ZNF804A: variants seen among roughly 807,000 people sequenced by gnomAD.
ZNF804A encodes the protein zinc finger protein 804A.
In ZNF804A, 2 loss-of-function variants were observed where a neutral mutation model predicts 16.5. That is an observed-to-expected ratio of 0.12 (90% CI 0.05 to 0.38). ZNF804A has a LOEUF of 0.38. ZNF804A is among the 10% of genes least tolerant of loss of function. The probability of loss-of-function intolerance (pLI) is 0.99; values close to 1 mark genes in which losing one functional copy is unlikely to be tolerated. For missense variants in ZNF804A, 1,473 were observed against 1,390.7 expected (o/e 1.06, Z -0.94); for synonymous variants, 534 against 489.6 (o/e 1.09, Z -1.20).
At chr2:184,772,932 C>T (rs7424782) in intron 1 of ZNF804A, among the ~76,000 whole-genome samples, 1 of 146,950 alleles carries the variant, frequency 6.8e-6, no homozygotes, top group Non-Finnish European at 1.5e-5. Flanking sequence ...ACCCCACACA[C>T]ATATATATAC....
chr2:184,782,464 A>G (rs1694384717), intron 1 of ZNF804A, among the ~76,000 whole-genome samples: 1 of 151,336 alleles, frequency 6.6e-6, no homozygotes, highest in African/African-American at 2.4e-5. Context: ...ACAACAACAA[A>G]AACATGAAAA....
intron 1 of ZNF804A, among the ~76,000 whole-genome samples, chr2:184,716,350 G>A (rs1693213120): frequency 6.6e-6 from 1 of 151,770 alleles, no homozygotes; most frequent in Non-Finnish European, 1.5e-5. Flanking sequence ...TTTGATATAA[G>A]TATTTTATAT....
chr2:184,762,503 T>G (rs547462462), intron 1 of ZNF804A, among the ~76,000 whole-genome samples: 2 of 152,036 alleles, frequency 1.3e-5, no homozygotes, highest in South Asian at 4.1e-4. Flanking sequence ...ATTGTGTCTT[T>G]TTAAATGGCA....
At chr2:184,882,818 C>T (rs1269824746) in intron 2 of ZNF804A, among the ~76,000 whole-genome samples, 1 of 151,826 alleles carries the variant, frequency 6.6e-6, no homozygotes, top group African/African-American at 2.4e-5. Flanking sequence ...CACTAAATAT[C>T]CACATTAAAA....
At chr2:184,652,502 T>A (rs1257686389) in intron 1 of ZNF804A, among the ~76,000 whole-genome samples, 1 of 152,168 alleles carries the variant, frequency 6.6e-6, no homozygotes, top group East Asian at 1.9e-4. Context: ...TGTTTAAAAC[T>A]TTTTTACTAA....
chr2:184,671,296 C>T (rs1231786220), intron 1 of ZNF804A, among the ~76,000 whole-genome samples: 1 of 152,182 alleles, frequency 6.6e-6, no homozygotes, highest in Non-Finnish European at 1.5e-5. Context: ...CTGTTTAGAA[C>T]CTTTCAATAG....
intron 2 of ZNF804A, among the ~76,000 whole-genome samples, chr2:184,868,425 A>G (rs1280571299): frequency 2.0e-5 from 3 of 152,048 alleles, no homozygotes; most frequent in Non-Finnish European, 4.4e-5. Context: ...TTCACTTTGA[A>G]TGAAGTAGAG....
chr2:184,649,763 A>G (rs1181194539), intron 1 of ZNF804A, among the ~76,000 whole-genome samples: 2 of 151,904 alleles, frequency 1.3e-5, no homozygotes, highest in East Asian at 3.9e-4. Flanking sequence ...GGAAGTAATT[A>G]AAGCTCTGAA....
At chr2:184,866,049 A>G (rs1009420214) in intron 1 of ZNF804A, among the ~76,000 whole-genome samples, 6 of 152,200 alleles carry the variant, frequency 3.9e-5, no homozygotes, top group African/African-American at 1.2e-4. Context: ...AGTTGAATCA[A>G]GATAGCTATG....
At chr2:184,620,548 TAAC>T (rs1691401114) in intron 1 of ZNF804A, among the ~76,000 whole-genome samples, 1 of 151,826 alleles carries the variant, frequency 6.6e-6, no homozygotes, top group Non-Finnish European at 1.5e-5. Flanking sequence ...AACAGGGTAG[TAAC>T]AGGATATGAT....
intron 1 of ZNF804A, among the ~76,000 whole-genome samples, chr2:184,721,977 G>A (rs903949866): frequency 1.3e-5 from 2 of 151,934 alleles, no homozygotes; most frequent in African/African-American, 2.4e-5. Flanking sequence ...TGAAATAAGC[G>A]AGGCATAGAA....
intron 2 of ZNF804A, among the ~76,000 whole-genome samples, chr2:184,932,372 C>T (rs182930945): frequency 5.3e-5 from 8 of 152,114 alleles, no homozygotes; most frequent in Non-Finnish European, 1.2e-4. Flanking sequence ...AAAGGCCTCA[C>T]AATCTTGGTG....
chr2:184,829,899 C>CAAAAAAAAAAAAAAAAAAAAAAAAAA (rs1244566222), intron 1 of ZNF804A, among the ~76,000 whole-genome samples: 4 of 38,902 alleles, frequency 1.0e-4, no homozygotes, highest in Admixed American at 3.8e-4. Context: ...CTGTCTCTAC[C>CAAAAAAAAAAAAAAAAAAAAAAAAAA]AAAAAAAAAA....
intron 1 of ZNF804A, among the ~76,000 whole-genome samples, chr2:184,730,847 CT>C (rs35119389): frequency 8.5e-4 from 123 of 145,294 alleles, no homozygotes; most frequent in East Asian, 1.8e-3. Flanking sequence ...CAATTTGCAG[CT>C]TTTTTTTTTT....
Position 184,716,259 on chromosome 2 carries a change from C to T in ZNF804A, c.111+117189C>T, listed in dbSNP as rs182590355. On this transcript the variant is annotated intron_variant, in intron 1 of 3. Transcript: ENST00000302277. Reference sequence around the variant, plus strand: ...TATGAATGTCTGGTAGTACTTTCTTCATGTATTTTCCTAAGCCAGTACTTT... The same window carrying T: ...TATGAATGTCTGGTAGTACTTTCTTTATGTATTTTCCTAAGCCAGTACTTT... 3.5e-4 allele frequency among the ~76,000 whole-genome samples: 54 copies of T among 152,172 alleles called. 2 individuals carry two copies. In the East Asian group the frequency reaches 9.3e-3, roughly 26 times the overall value.
chr2:184,826,191 T>C (rs1024895361), intron 1 of ZNF804A, among the ~76,000 whole-genome samples: 2 of 152,130 alleles, frequency 1.3e-5, no homozygotes, highest in African/African-American at 4.8e-5. Context: ...GCTCCCTTTT[T>C]ACTTTTAAAT....
intron 1 of ZNF804A, among the ~76,000 whole-genome samples, chr2:184,678,605 G>A (rs1692479069): frequency 6.6e-6 from 1 of 152,144 alleles, no homozygotes; most frequent in African/African-American, 2.4e-5. Context: ...AGAGATACAG[G>A]ATGATGCCGG....
intron 1 of ZNF804A, among the ~76,000 whole-genome samples, chr2:184,798,919 G>A (rs1211885910): frequency 6.6e-6 from 1 of 152,070 alleles, no homozygotes; most frequent in Non-Finnish European, 1.5e-5. Context: ...TTGTCCCACA[G>A]GGTGTTCCCT....
Position 184,599,021 on chromosome 2 carries a change from T to C in ZNF804A, c.62T>C (p.Ile21Thr), listed in dbSNP as rs756162751. 17 of 1,614,074 alleles carry C rather than the reference T, an allele frequency of 1.1e-5. No homozygotes were observed. The highest frequency in any genetic ancestry group is 1.7e-5 in the Admixed American group (1 of 60,028). Residue 21 changes from isoleucine to threonine, a missense_variant, in exon 1 of 4, where the codon ATC (isoleucine) becomes ACC (threonine). Transcript: ENST00000302277. ...CTCAGCAACGGACACTTTCGCAACA[T>C]CAAGGGAGTTTTCCGGGGCCCTCTC... is the stretch of plus-strand genomic sequence containing the variant. The part of the protein sequence containing the change: ...THLSNGHFRN[I>T]KGVFRGPLSK...
Sources: gnomAD v4.1 joint callset for allele counts (sites outside exome capture counted in the v4.1 genomes callset) on GRCh38, gnomAD v4.1.1 for gene constraint, MANE v1.5 for transcripts, NCBI Gene and HGNC (gene_info 2026-07-23, HGNC 2026-07-21) for gene names.